Variants in STK32A observed in about 807,000 individuals in gnomAD.
STK32A encodes the protein serine/threonine-protein kinase 32A.
STK32A carries 41 observed loss-of-function variants against 53.2 expected under a neutral mutation model. The ratio of observed to expected loss-of-function variants is 0.77; its 90% CI spans 0.60 to 1.00. STK32A has a LOEUF of 1.00. STK32A is among the 50% of genes least tolerant of loss of function. The pLI is 0.00. For synonymous variants in STK32A, 166 were observed against 162.8 expected (o/e 1.02, Z -0.15); for missense variants, 458 against 485.8 (o/e 0.94, Z 0.54).
At chr5:147,326,759 T>C (rs1754610517) in intron 5 of STK32A, among the ~76,000 whole-genome samples, 1 of 152,168 alleles carries the variant, frequency 6.6e-6, no homozygotes, top group Non-Finnish European at 1.5e-5. Context: ...CAAACCAGGA[T>C]ACTCTGAGAG....
chr5:147,355,730 C>T (rs1053199105), intron 7 of STK32A, among the ~76,000 whole-genome samples: 9 of 151,086 alleles, frequency 6.0e-5, no homozygotes, highest in Non-Finnish European at 1.2e-4. Flanking sequence ...AAAACATTCT[C>T]CTCCAAATTA....
chr5:147,397,771 G>C, the STK32A span: 2 of 1,614,184 alleles, frequency 1.2e-6, no homozygotes, highest in Non-Finnish European at 8.5e-7. Context: ...CTTCCAGCAT[G>C]ATCTTGCCCT....
intron 2 of STK32A, among the ~76,000 whole-genome samples, chr5:147,242,861 A>C (rs1753634716): frequency 6.6e-6 from 1 of 152,220 alleles, no homozygotes; most frequent in South Asian, 2.1e-4. Context: ...CTTCACATAA[A>C]TCTGGATTGA....
At chr5:147,301,492 G>A (rs1753132340) in intron 4 of STK32A, among the ~76,000 whole-genome samples, 1 of 152,012 alleles carries the variant, frequency 6.6e-6, no homozygotes, top group Non-Finnish European at 1.5e-5. Context: ...TTCTTGAGTG[G>A]ACAACTGCAC....
Position 147,381,538 on chromosome 5 carries a change from G to A in STK32A, c.1033-1903G>A, listed in dbSNP as rs187609691. 2.5e-3 allele frequency among the ~76,000 whole-genome samples: 382 copies of A among 152,028 alleles called. 5 individuals carry two copies. Among genetic ancestry groups the A allele is most frequent in the Admixed American group, 0.023 (356 of 15,270 alleles). On this transcript the variant is annotated intron_variant, in intron 11 of 12. Coordinates refer to ENST00000397936, the MANE Select transcript of STK32A (RefSeq NM_001112724.2). Reference sequence around the variant, plus strand: ...CACACCTGTAATCCCAGCTACTTGGGTGGCTAAGGCAAGAGAATCTCTTGA... The same window carrying A: ...CACACCTGTAATCCCAGCTACTTGGATGGCTAAGGCAAGAGAATCTCTTGA...
intron 4 of STK32A, among the ~76,000 whole-genome samples, chr5:147,292,516 C>G (rs1409555518): frequency 2.0e-5 from 3 of 152,136 alleles, no homozygotes; most frequent in African/African-American, 7.2e-5. Context: ...AAATTCTTGA[C>G]TTTGGAAAAC....
intron 1 of STK32A, 24 bp from the exon 2 acceptor site, chr5:147,239,515 G>T (rs1318239649): frequency 1.4e-6 from 1 of 713,896 alleles, no homozygotes; most frequent in Non-Finnish European, 2.4e-6. Flanking sequence ...TATTATTAGG[G>T]TACTATTTCT....
intron 5 of STK32A, among the ~76,000 whole-genome samples, chr5:147,332,754 G>A (rs1176327494): frequency 6.6e-6 from 1 of 152,184 alleles, no homozygotes; most frequent in Non-Finnish European, 1.5e-5. Flanking sequence ...GAGGGTATTA[G>A]GTTGATGTGT....
At chr5:147,313,455 G>A (rs148972680) in intron 4 of STK32A, among the ~76,000 whole-genome samples, 2 of 152,292 alleles carry the variant, frequency 1.3e-5, no homozygotes, top group East Asian at 3.9e-4. Context: ...GCTCTCCAGA[G>A]TATACTGTTA....
intron 2 of STK32A, among the ~76,000 whole-genome samples, chr5:147,246,064 C>T (rs757596124): frequency 2.0e-5 from 3 of 152,144 alleles, no homozygotes; most frequent in Non-Finnish European, 2.9e-5. Context: ...AATGAATTTC[C>T]GACTTTCCCT....
chr5:147,297,812 T>G (rs1467050910), intron 4 of STK32A, among the ~76,000 whole-genome samples: 2 of 152,002 alleles, frequency 1.3e-5, no homozygotes, highest in African/African-American at 4.8e-5. Context: ...ATCCCGTCTC[T>G]ACTAAAAAAT....
intron 4 of STK32A, among the ~76,000 whole-genome samples, chr5:147,314,568 T>C (rs1753892405): frequency 7.2e-6 from 1 of 139,306 alleles, no homozygotes; most frequent in African/African-American, 2.8e-5. Flanking sequence ...AAGTCAATAA[T>C]AAAAACAGAA....
chr5:147,319,796 A>T (rs1433844940), intron 4 of STK32A, among the ~76,000 whole-genome samples: 1 of 152,150 alleles, frequency 6.6e-6, no homozygotes, highest in Non-Finnish European at 1.5e-5. Flanking sequence ...GGGTCAGAAA[A>T]ACACAATGAA....
At chr5:147,392,737 A>G (rs1179017648), downstream of STK32A, 1 of 152,056 alleles carries the variant, frequency 6.6e-6, no homozygotes, top group Admixed American at 6.5e-5. Flanking sequence ...TGTCACTTCC[A>G]CTCACTTGGG....
intron 4 of STK32A, among the ~76,000 whole-genome samples, chr5:147,305,432 G>A (rs1753358162): frequency 6.6e-6 from 1 of 152,036 alleles, no homozygotes; most frequent in African/African-American, 2.4e-5. Flanking sequence ...AGGAAAGCGC[G>A]GGCTTCATCC....
the STK32A span, among the ~76,000 whole-genome samples, chr5:147,397,284 G>C: frequency 6.6e-6 from 1 of 151,972 alleles, no homozygotes; most frequent in Non-Finnish European, 1.5e-5. Context: ...GTTTGCCCCT[G>C]TGGAGCAGCA....
intron 8 of STK32A, among the ~76,000 whole-genome samples, chr5:147,363,560 A>G (rs887612718): frequency 1.3e-5 from 2 of 152,196 alleles, no homozygotes; most frequent in Non-Finnish European, 2.9e-5. Context: ...AATCGCCCTC[A>G]TGATCCTTCT....
downstream of STK32A, among the ~76,000 whole-genome samples, chr5:147,389,005 A>T (rs1037721566): frequency 6.6e-6 from 1 of 152,222 alleles, no homozygotes; most frequent in Non-Finnish European, 1.5e-5. Context: ...CTTATTAAAC[A>T]TCAAAACTCG....
chr5:147,253,334 A>G (rs1360106363), intron 2 of STK32A, among the ~76,000 whole-genome samples: 1 of 152,164 alleles, frequency 6.6e-6, no homozygotes, highest in Non-Finnish European at 1.5e-5. Flanking sequence ...TTTCTTTTGG[A>G]GTGTTTAAAT....
Sources: gnomAD v4.1 joint callset for allele counts (sites outside exome capture counted in the v4.1 genomes callset) on GRCh38, gnomAD v4.1.1 for gene constraint, MANE v1.5 for transcripts, NCBI Gene and HGNC (gene_info 2026-07-23, HGNC 2026-07-21) for gene names.